The following PTPRA variants were observed in gnomAD, a reference collection of about 807,000 sequenced individuals.
PTPRA encodes protein tyrosine phosphatase receptor type A.
Under a neutral mutation model 104.8 loss-of-function variants are expected in PTPRA, and 25 were observed. The ratio of observed to expected loss-of-function variants is 0.24; its 90% confidence interval spans 0.17 to 0.33. The LOEUF is 0.33. Among genes scored for constraint, PTPRA ranks in the 10% least tolerant of loss-of-function variants. The probability of loss-of-function intolerance (pLI) is 1.00; values close to 1 mark genes in which losing one functional copy is unlikely to be tolerated. For synonymous variants in PTPRA, 323 were observed against 368.9 expected (o/e 0.88, Z 1.43); for missense variants, 765 against 1,015.3 (o/e 0.75, Z 3.35).
intron 2 of PTPRA, among the ~76,000 whole-genome samples, chr20:2,944,736 C>G (rs2061060986): frequency 6.6e-6 from 1 of 152,216 alleles, no homozygotes; most frequent in South Asian, 2.1e-4. Flanking sequence ...CAGTCTACCA[C>G]AGTGTCTTTT....
At chr20:2,936,637 T>C (rs2060712529) in intron 2 of PTPRA, among the ~76,000 whole-genome samples, 1 of 151,986 alleles carries the variant, frequency 6.6e-6, no homozygotes, top group African/African-American at 2.4e-5. Context: ...ATTTTTGTTT[T>C]GTTTGGGGTT....
At chr20:2,912,756 C>T (rs1345056067) in intron 1 of PTPRA, among the ~76,000 whole-genome samples, 1 of 152,180 alleles carries the variant, frequency 6.6e-6, no homozygotes, top group Non-Finnish European at 1.5e-5. Context: ...CTGTGTTGGA[C>T]AGCACGTATT....
chr20:3,014,983 AC>A (rs1402999899), intron 11 of PTPRA, among the ~76,000 whole-genome samples: 2 of 152,198 alleles, frequency 1.3e-5, no homozygotes, highest in African/African-American at 2.4e-5. Context: ...GTTGAGTGGC[AC>A]CCCAGGCTCC....
intron 1 of PTPRA, among the ~76,000 whole-genome samples, chr20:2,904,666 CAAAAAAAAA>C (rs397865578): frequency 3.0e-5 from 2 of 66,136 alleles, no homozygotes; most frequent in East Asian, 7.9e-4. Context: ...GACTCCGTCT[CAAAAAAAAA>C]AAAAAAAAAA....
At chr20:2,909,977 CTATCATA>C (rs1411726344) in intron 1 of PTPRA, among the ~76,000 whole-genome samples, 1 of 109,992 alleles carries the variant, frequency 9.1e-6, no homozygotes, top group Non-Finnish European at 1.7e-5. Flanking sequence ...TATATATAAT[CTATCATA>C]TATCATATAT....
At chr20:2,968,002 T>G (rs2062008406) in intron 5 of PTPRA, among the ~76,000 whole-genome samples, 1 of 152,202 alleles carries the variant, frequency 6.6e-6, no homozygotes, top group Admixed American at 6.5e-5. Context: ...CTTATTCCAG[T>G]CTAGGCTTGT....
intron 2 of PTPRA, among the ~76,000 whole-genome samples, chr20:2,932,645 C>G (rs538457937): frequency 6.6e-6 from 1 of 152,184 alleles, no homozygotes; most frequent in African/African-American, 2.4e-5. Context: ...TGTCAGCCAT[C>G]TGCTCAGAGG....
At chr20:2,874,871 C>T (rs1405460130) in intron 1 of PTPRA, among the ~76,000 whole-genome samples, 1 of 152,216 alleles carries the variant, frequency 6.6e-6, no homozygotes, top group Non-Finnish European at 1.5e-5. Context: ...TCCTTCCCCT[C>T]ATCCCGCTTG....
intron 11 of PTPRA, among the ~76,000 whole-genome samples, chr20:3,013,249 A>G (rs2064265698): frequency 6.6e-6 from 1 of 152,172 alleles, no homozygotes; most frequent in Non-Finnish European, 1.5e-5. Context: ...TGAAAGGCCT[A>G]GGAAAGTGGG....
intron 3 of PTPRA, among the ~76,000 whole-genome samples, chr20:2,948,813 G>C (rs376358894): frequency 2.0e-5 from 3 of 151,978 alleles, no homozygotes; most frequent in South Asian, 2.1e-4. Context: ...TTAGCTGGGC[G>C]TGGTGGCGGG....
intron 2 of PTPRA, among the ~76,000 whole-genome samples, chr20:2,947,766 A>C (rs1323369330): frequency 1.3e-5 from 2 of 152,196 alleles, no homozygotes; most frequent in Non-Finnish European, 2.9e-5. Context: ...TTGGTGTCAT[A>C]GCCGCAGAAG....
chr20:2,914,892 A>G (rs1461600889), intron 1 of PTPRA, among the ~76,000 whole-genome samples: 1 of 152,168 alleles, frequency 6.6e-6, no homozygotes, highest in Admixed American at 6.6e-5. Flanking sequence ...CTATTGGGTA[A>G]CGTGTATTCC....
intron 20 of PTPRA, among the ~76,000 whole-genome samples, chr20:3,032,715 A>G (rs184045673): frequency 0.021 from 3,133 of 151,548 alleles, 71 homozygotes; most frequent in Non-Finnish European, 0.032. Flanking sequence ...GCAATGAGCC[A>G]AGATCGCGCC....
intron 1 of PTPRA, among the ~76,000 whole-genome samples, chr20:2,906,922 C>G (rs2059447027): frequency 6.6e-6 from 1 of 152,144 alleles, no homozygotes; most frequent in Non-Finnish European, 1.5e-5. Flanking sequence ...AGAAGCTCCA[C>G]AATTGCACTG....
chr20:3,024,261 C>T (rs2065028079), intron 16 of PTPRA, among the ~76,000 whole-genome samples: 1 of 152,160 alleles, frequency 6.6e-6, no homozygotes. Context: ...CAAGATAGAC[C>T]TGGACCCTTC....
Position 3,037,287 on chromosome 20 carries a change from C to G in PTPRA, c.2332C>G (p.Leu778Val), listed in dbSNP as rs2065846149. 2 of 1,613,842 alleles carry G rather than the reference C, an allele frequency of 1.2e-6. No homozygotes were observed. The highest frequency in any genetic ancestry group is 2.2e-5 in the South Asian group (2 of 91,056). ...RLQRPHMVQT[L>V]EQYEFCYKVV... The stretch of plus-strand genomic sequence containing the variant: ...ACAGAGGCCACACATGGTCCAGACA[C>G]TGGTATGCTGCCCACATATTTGTCC... Residue 778 changes from leucine to valine, a missense_variant and splice_region_variant, in exon 23 of 24, where the codon CTG becomes GTG. Transcript: ENST00000399903. This position sits in a 1 kb window ranked among gnomAD's most constrained non-coding sequence, Gnocchi z 4.3.
At chr20:2,870,156 G>A (rs2089411230), upstream of PTPRA, among the ~76,000 whole-genome samples, 1 of 151,834 alleles carries the variant, frequency 6.6e-6, no homozygotes, top group Non-Finnish European at 1.5e-5. Context: ...ATCGCCTGAG[G>A]TCAGGAGTTC....
chr20:2,913,388 A>G (rs1182792737), intron 1 of PTPRA, among the ~76,000 whole-genome samples: 2 of 152,148 alleles, frequency 1.3e-5, no homozygotes, highest in African/African-American at 2.4e-5. Context: ...CAAAAATAAA[A>G]TAAAATAAAT....
chr20:3,030,881 T>C (rs897231988), intron 20 of PTPRA, among the ~76,000 whole-genome samples: 2 of 152,034 alleles, frequency 1.3e-5, no homozygotes, highest in African/African-American at 4.8e-5. Flanking sequence ...GGTTTCGTCA[T>C]GTTGGCCATG....
Sources: gnomAD v4.1 joint callset for allele counts (sites outside exome capture counted in the v4.1 genomes callset) on GRCh38, gnomAD v4.1.1 for gene constraint, Gnocchi (gnomAD v3.1) non-coding constraint, MANE v1.5 for transcripts, NCBI Gene and HGNC (gene_info 2026-07-23, HGNC 2026-07-21) for gene names.